The following KLHL25 variants were observed in gnomAD, a reference collection of about 807,000 sequenced individuals.
The protein encoded by KLHL25 is kelch like family member 25.
KLHL25 carries 41 observed loss-of-function variants against 30.0 expected under a neutral mutation model. That is an observed-to-expected ratio of 1.37 (90% CI 1.07 to 1.78). The LOEUF (loss-of-function observed/expected upper bound fraction) is 1.78. Ranked by LOEUF, KLHL25 falls within the 40% of genes most tolerant of loss-of-function variation. The pLI is 0.00. For synonymous variants in KLHL25, 399 were observed against 355.3 expected (o/e 1.12, Z -1.38); for missense variants, 971 against 824.5 (o/e 1.18, Z -2.18).
chr15:85,771,201 G>GGAA (rs376086591), intron 1 of KLHL25: 3 of 118,004 alleles, frequency 2.5e-5, no homozygotes, highest in Non-Finnish European at 5.1e-5. Context: ...AATTAAGCCT[G>GGAA]AAAAAAAAAA....
At chr15:85,783,336 C>T (rs1460968815) in intron 1 of KLHL25, among the ~76,000 whole-genome samples, 1 of 151,900 alleles carries the variant, frequency 6.6e-6, no homozygotes, top group Non-Finnish European at 1.5e-5. Context: ...TCAGGTGATC[C>T]ACCTGCCTTG....
In KLHL25 at chr15:85,768,539, C is replaced by A. The variant is rs1348834911; in HGVS notation, c.1272G>T (p.Trp424Cys). ...VEKYDPGANK[W>C]MMVAPLRDGV... Reference sequence around the variant, plus strand: ...CATCCCGCAAGGGGGCCACCATCATCCACTTGTTGGCCCCAGGGTCGTATT... The same window carrying A: ...CATCCCGCAAGGGGGCCACCATCATACACTTGTTGGCCCCAGGGTCGTATT... Residue 424 changes from tryptophan to cysteine, a missense_variant, in exon 2 of 3, where the codon TGG becomes TGT. Trp to Cys is a radical substitution (Grantham distance 215). Transcript: ENST00000337975. 6.2e-7 allele frequency: 1 copy of A among 1,613,670 alleles called. No individual in the cohort carries two copies. The highest frequency in any genetic ancestry group is 8.5e-7 in the Non-Finnish European group (1 of 1,179,842).
intron 1 of KLHL25, among the ~76,000 whole-genome samples, chr15:85,774,532 C>G (rs574259314): frequency 6.6e-6 from 1 of 152,112 alleles, no homozygotes; most frequent in Non-Finnish European, 1.5e-5. Flanking sequence ...TTCCAGTGAC[C>G]GAAAGCGAAA....
rs1393054462 is a variant in KLHL25 at position 85,768,689 on chromosome 15, C to A, written c.1122G>T (p.Met374Ile). The A allele has an allele frequency of 1.2e-6, 2 of 1,613,310 alleles. No homozygotes were observed. The highest frequency in any genetic ancestry group is 2.7e-5 in the African/African-American group (2 of 74,932). ...VHEEWSKAAP[M>I]LIARFGHGSA... ...AGCCATGGCCAAAGCGGGCAATCAGCATGGGCGCCGCCTTGGACCATTCCT... is the reference window on the plus strand; with the variant it reads ...AGCCATGGCCAAAGCGGGCAATCAGAATGGGCGCCGCCTTGGACCATTCCT... Residue 374 changes from methionine to isoleucine, a missense_variant, in exon 2 of 3, where the codon ATG becomes ATT. Coordinates refer to ENST00000337975, the MANE Select transcript of KLHL25 (RefSeq NM_022480.4).
At chr15:85,785,995 C>A (rs2089778724) in intron 1 of KLHL25, among the ~76,000 whole-genome samples, 1 of 112,240 alleles carries the variant, frequency 8.9e-6, no homozygotes, top group Non-Finnish European at 1.7e-5. Context: ...CCATGCAAAA[C>A]CAGCTCTAGA....
chr15:85,787,733 ACACT>A (rs1195974774), intron 1 of KLHL25, among the ~76,000 whole-genome samples: 1 of 152,158 alleles, frequency 6.6e-6, no homozygotes, highest in Non-Finnish European at 1.5e-5. Flanking sequence ...GCTCCACCAC[ACACT>A]AAGTGGTATA....
At chr15:85,776,238 C>T (rs896245539) in intron 1 of KLHL25, among the ~76,000 whole-genome samples, 7 of 150,882 alleles carry the variant, frequency 4.6e-5, no homozygotes, top group African/African-American at 1.7e-4. Context: ...CCTGTAATCC[C>T]AGCATTTTGG....
intron 1 of KLHL25, among the ~76,000 whole-genome samples, chr15:85,783,118 G>A (rs1012053674): frequency 1.3e-5 from 2 of 152,042 alleles, no homozygotes; most frequent in Non-Finnish European, 2.9e-5. Context: ...TATTTATTTT[G>A]AGACATAGTC....
At chr15:85,783,912 C>A (rs2089761871) in intron 1 of KLHL25, among the ~76,000 whole-genome samples, 1 of 152,152 alleles carries the variant, frequency 6.6e-6, no homozygotes, top group African/African-American at 2.4e-5. Flanking sequence ...TTCTCTGAGA[C>A]TCAGTTTTCT....
chr15:85,768,644 G>A lies in KLHL25; in HGVS notation c.1167C>T (p.Cys389=), dbSNP rs146307976. ...FGHGSAELEN[C]LYVVGGHTSL... is the part of the protein sequence containing the mutation. ...ATGTGTGTCCCCCCACCACATAGAGGCAGTTCTCCAGCTCAGCTGAGCCAT... is the reference window on the plus strand; with the variant it reads ...ATGTGTGTCCCCCCACCACATAGAGACAGTTCTCCAGCTCAGCTGAGCCAT... Residue 389 remains cysteine (C), a synonymous_variant, in exon 2 of 3, where the codon TGC becomes TGT. Transcript: ENST00000337975. 7.6e-5 allele frequency: 123 copies of A among 1,613,162 alleles called. No homozygotes were observed. Among genetic ancestry groups the A allele is most frequent in the Non-Finnish European group, 9.5e-5 (112 of 1,179,504 alleles).
intron 1 of KLHL25, among the ~76,000 whole-genome samples, chr15:85,778,839 G>C (rs562188337): frequency 2.0e-5 from 3 of 152,114 alleles, no homozygotes; most frequent in Non-Finnish European, 4.4e-5. Context: ...TGTGCAACCA[G>C]GACAGAGGGA....
At position 85,768,584 on chromosome 15, in the gene KLHL25, G is replaced by C. The variant is rs1233976431; in HGVS notation, c.1227C>G (p.Val409=). The change falls in exon 2 of 3, where the codon GTC becomes GTG. Residue 409 remains valine (V), a synonymous_variant. Transcript: ENST00000337975. The part of the protein sequence containing the change: ...LAGVFPASPS[V]SLKQVEKYDP... ...CGTATTTCTCCACTTGTTTCAGGGA[G>C]ACAGAAGGCGAGGCCGGGAAGACCC... The C allele has an allele frequency of 6.2e-7, 1 of 1,611,504 alleles. No homozygotes were observed. The highest frequency in any genetic ancestry group is 8.5e-7 in the Non-Finnish European group (1 of 1,178,114).
chr15:85,781,519 T>C (rs907854022), intron 1 of KLHL25, among the ~76,000 whole-genome samples: 4 of 152,292 alleles, frequency 2.6e-5, no homozygotes, highest in African/African-American at 9.6e-5. Flanking sequence ...TCGTTCTTTT[T>C]GCCCAGGCTG....
intron 1 of KLHL25, among the ~76,000 whole-genome samples, chr15:85,788,647 C>T (rs892139519): frequency 9.2e-5 from 14 of 152,308 alleles, no homozygotes; most frequent in African/African-American, 1.4e-4. Context: ...GTGCCATACC[C>T]GCCTGTCTGC....
intron 1 of KLHL25, among the ~76,000 whole-genome samples, chr15:85,779,737 G>A (rs1006967242): frequency 6.6e-6 from 1 of 152,198 alleles, no homozygotes; most frequent in Non-Finnish European, 1.5e-5. Context: ...GCCAAGTGCA[G>A]GCACTGGGGA....
chr15:85,787,073 A>T (rs1358894798), intron 1 of KLHL25, among the ~76,000 whole-genome samples: 2 of 151,922 alleles, frequency 1.3e-5, no homozygotes, highest in African/African-American at 2.4e-5. Flanking sequence ...CTGAATAAAC[A>T]TTTTTTTTAA....
At position 85,766,283 on chromosome 15, in the gene KLHL25, G is replaced by A. The variant is rs1044676874; in HGVS notation, c.*24+1734C>T. Among the ~76,000 whole-genome samples the A allele has an allele frequency of 6.6e-5, 10 of 152,336 alleles. No homozygotes were observed. In the Middle Eastern group the frequency reaches 0.024, roughly 363 times the overall value. Reference sequence around the variant, plus strand: ...ATCTTCCACAGTCTCGTCCTGTGCTGGAGGCAGAGTGCACCCAGGGATCTT... The same window carrying A: ...ATCTTCCACAGTCTCGTCCTGTGCTAGAGGCAGAGTGCACCCAGGGATCTT... On this transcript the variant is annotated intron_variant, in intron 2 of 2. Coordinates refer to ENST00000337975, the MANE Select transcript of KLHL25 (RefSeq NM_022480.4).
intron 2 of KLHL25, among the ~76,000 whole-genome samples, chr15:85,765,085 G>C (rs1031335506): frequency 6.6e-6 from 1 of 152,164 alleles, no homozygotes; most frequent in African/African-American, 2.4e-5. Flanking sequence ...CTGGTCTGGA[G>C]GCTCAGACCA....
At chr15:85,779,753 C>T (rs756610064) in intron 1 of KLHL25, among the ~76,000 whole-genome samples, 7 of 152,172 alleles carry the variant, frequency 4.6e-5, no homozygotes, top group Non-Finnish European at 8.8e-5. Context: ...GGGGACCCAG[C>T]CTTCTGGAGC....
Sources: allele counts gnomAD v4.1 joint callset (sites outside exome capture counted in the v4.1 genomes callset), GRCh38; gene constraint gnomAD v4.1.1; transcripts MANE v1.5; gene names NCBI Gene and HGNC (gene_info 2026-07-23, HGNC 2026-07-21).